C1QTNF7: variants seen among roughly 807,000 people sequenced by gnomAD.
C1QTNF7 encodes the protein C1q and TNF related 7, also known as complement C1q tumor necrosis factor-related protein 7.
C1QTNF7 carries 15 observed loss-of-function variants against 19.6 expected under a neutral mutation model. That is an observed-to-expected ratio of 0.76 (90% CI 0.51 to 1.18). C1QTNF7 has a LOEUF of 1.18. C1QTNF7 is among the 50% of genes most tolerant of loss of function. C1QTNF7 has a pLI of 0.00. For synonymous variants in C1QTNF7, 142 were observed against 137.5 expected (o/e 1.03, Z -0.23); for missense variants, 324 against 359.7 (o/e 0.90, Z 0.80).
At chr4:15,407,082 G>A (rs1205233633) in intron 1 of C1QTNF7, among the ~76,000 whole-genome samples, 2 of 152,062 alleles carry the variant, frequency 1.3e-5, no homozygotes, top group African/African-American at 4.8e-5. Flanking sequence ...TCATTCCTTG[G>A]AGCAGGAGAC....
intron 1 of C1QTNF7, among the ~76,000 whole-genome samples, chr4:15,383,895 T>C (rs994917115): frequency 1.3e-5 from 2 of 152,174 alleles, no homozygotes; most frequent in Non-Finnish European, 2.9e-5. Context: ...TGGACAAAAA[T>C]TGAACATTTG....
rs1309849153 is a variant in C1QTNF7, at chr4:15,444,572, G to A, written c.*1773G>A. 1 of 151,978 alleles carries A rather than the reference G, an allele frequency of 6.6e-6. No homozygotes were observed. Among genetic ancestry groups the A allele is most frequent in the East Asian group, 1.9e-4 (1 of 5,186 alleles). The allele number at this position is 151,978 out of a possible 1,614,324, so 9.4% of individuals were successfully genotyped here. A position where few individuals can be genotyped will look rare whatever the true frequency, so the allele number is the denominator to read the frequency against. On this transcript the variant is annotated 3_prime_UTR_variant, in exon 3 of 3. Coordinates refer to ENST00000444304, the MANE Select transcript of C1QTNF7 (RefSeq NM_031911.5). ...CCAGCTCTGACTAGTAAATTTCTAA[G>A]GATACCAGAAAGGAAATGGCATGCA...
intron 1 of C1QTNF7, among the ~76,000 whole-genome samples, chr4:15,387,004 G>T (rs949759435): frequency 6.6e-6 from 1 of 152,164 alleles, no homozygotes; most frequent in South Asian, 2.1e-4. Flanking sequence ...ACCAGATAGC[G>T]ACTGTTTCAA....
intron 1 of C1QTNF7, among the ~76,000 whole-genome samples, chr4:15,391,584 T>C (rs1027591311): frequency 6.6e-6 from 1 of 152,146 alleles, no homozygotes; most frequent in African/African-American, 2.4e-5. Flanking sequence ...GATCTGAGAA[T>C]TCCACTGGGC....
At chr4:15,433,335 G>A (rs943309493) in intron 1 of C1QTNF7, among the ~76,000 whole-genome samples, 1 of 151,884 alleles carries the variant, frequency 6.6e-6, no homozygotes, top group African/African-American at 2.4e-5. Context: ...TCTGGGGAGG[G>A]GGGTGACTTT....
At chr4:15,395,319 G>C (rs531080283) in intron 1 of C1QTNF7, among the ~76,000 whole-genome samples, 27 of 152,282 alleles carry the variant, frequency 1.8e-4, no homozygotes, top group African/African-American at 6.3e-4. Context: ...AGAGATGGTG[G>C]GGGGCGTGGA....
At chr4:15,419,871 A>G (rs919312157) in intron 1 of C1QTNF7, 1 of 152,092 alleles carries the variant, frequency 6.6e-6, no homozygotes, top group African/African-American at 2.4e-5. Context: ...ATCTGTGCCT[A>G]ATCTTCTAGA....
intron 1 of C1QTNF7, among the ~76,000 whole-genome samples, chr4:15,347,529 G>T (rs1350051430): frequency 6.6e-6 from 1 of 152,150 alleles, no homozygotes; most frequent in Admixed American, 6.5e-5. Context: ...CAGGTATCCA[G>T]ACTTGCTCAC....
intron 1 of C1QTNF7, among the ~76,000 whole-genome samples, chr4:15,413,753 C>T (rs1038732491): frequency 1.3e-5 from 2 of 152,160 alleles, no homozygotes; most frequent in Non-Finnish European, 2.9e-5. Flanking sequence ...AAGTTACAGC[C>T]TCTGTGGATG....
intron 1 of C1QTNF7, among the ~76,000 whole-genome samples, chr4:15,418,129 G>GA (rs1289008152): frequency 6.6e-6 from 1 of 152,068 alleles, no homozygotes; most frequent in Non-Finnish European, 1.5e-5. Flanking sequence ...AAAGTTTGTT[G>GA]AAAATCTCTC....
At chr4:15,375,676 A>T (rs1717913364) in intron 1 of C1QTNF7, among the ~76,000 whole-genome samples, 1 of 152,134 alleles carries the variant, frequency 6.6e-6, no homozygotes, top group Admixed American at 6.6e-5. Flanking sequence ...TGCAAGGAAC[A>T]TATGTCCCGA....
At chr4:15,372,115 GA>G (rs969496837) in intron 1 of C1QTNF7, among the ~76,000 whole-genome samples, 6 of 150,394 alleles carry the variant, frequency 4.0e-5, no homozygotes, top group South Asian at 4.2e-4. Flanking sequence ...TTCAGTGAGG[GA>G]AAAAAAAAGG....
chr4:15,340,903 G>A (rs1262824819), intron 1 of C1QTNF7, among the ~76,000 whole-genome samples: 6 of 152,142 alleles, frequency 3.9e-5, no homozygotes, highest in South Asian at 2.1e-4. Context: ...AGGGAGCAGC[G>A]AGGATAAGAT....
At chr4:15,415,156 C>T (rs1207374874) in intron 1 of C1QTNF7, among the ~76,000 whole-genome samples, 1 of 152,182 alleles carries the variant, frequency 6.6e-6, no homozygotes, top group Non-Finnish European at 1.5e-5. Context: ...AGACTCTTTG[C>T]TTTCAAACTC....
intron 1 of C1QTNF7, among the ~76,000 whole-genome samples, chr4:15,367,235 G>A (rs1026018063): frequency 1.3e-5 from 2 of 152,174 alleles, no homozygotes; most frequent in African/African-American, 2.4e-5. Flanking sequence ...GGAAAATAGA[G>A]TCTTCTAAAT....
intron 1 of C1QTNF7, among the ~76,000 whole-genome samples, chr4:15,384,625 T>C (rs1344156846): frequency 6.6e-6 from 1 of 152,212 alleles, no homozygotes; most frequent in Non-Finnish European, 1.5e-5. Flanking sequence ...TTCAGTGTTA[T>C]AGAAATGGTT....
chr4:15,414,025 C>T (rs573561670), intron 1 of C1QTNF7, among the ~76,000 whole-genome samples: 139 of 152,272 alleles, frequency 9.1e-4, no homozygotes, highest in Non-Finnish European at 1.6e-3. Flanking sequence ...TGGGCACTAT[C>T]TTTTTGATTC....
At chr4:15,439,214 GTAAC>G (rs1560371858) in intron 2 of C1QTNF7, among the ~76,000 whole-genome samples, 1 of 152,198 alleles carries the variant, frequency 6.6e-6, no homozygotes, top group African/African-American at 2.4e-5. Context: ...AACAGGAAGA[GTAAC>G]TATACATTAT....
At chr4:15,371,887 G>A (rs1717744380) in intron 1 of C1QTNF7, among the ~76,000 whole-genome samples, 1 of 152,128 alleles carries the variant, frequency 6.6e-6, no homozygotes, top group Admixed American at 6.5e-5. Flanking sequence ...GGTGCTCTGG[G>A]TAACAATGTC....
Sources: gnomAD v4.1 joint callset for allele counts (sites outside exome capture counted in the v4.1 genomes callset) on GRCh38, gnomAD v4.1.1 for gene constraint, MANE v1.5 for transcripts, NCBI Gene and HGNC (gene_info 2026-07-23, HGNC 2026-07-21) for gene names.